The following KIF16B variants were observed in gnomAD, a reference collection of about 807,000 sequenced individuals.
KIF16B encodes the protein kinesin-like protein KIF16B.
A neutral mutation model predicts 156.3 loss-of-function variants in KIF16B; 98 were observed. The observed-to-expected ratio is 0.63, with a 90% CI of 0.53 to 0.74. The LOEUF (loss-of-function observed/expected upper bound fraction) is 0.74. KIF16B is among the 30% of genes least tolerant of loss of function. The probability of loss-of-function intolerance (pLI) is 0.00; values close to 1 mark genes in which losing one functional copy is unlikely to be tolerated. For missense variants in KIF16B, 1,421 were observed against 1,606.5 expected (o/e 0.88, Z 1.97); for synonymous variants, 564 against 583.7 (o/e 0.97, Z 0.49).
At chr20:16,324,056 CA>C (rs2063808636) in intron 24 of KIF16B, among the ~76,000 whole-genome samples, 1 of 151,930 alleles carries the variant, frequency 6.6e-6, no homozygotes. Flanking sequence ...AAAGATACTT[CA>C]GATCTGTGAA....
intron 23 of KIF16B, among the ~76,000 whole-genome samples, chr20:16,338,585 T>A (rs1049033999): frequency 1.3e-4 from 20 of 152,126 alleles, no homozygotes; most frequent in Admixed American, 5.9e-4. Flanking sequence ...CCATGAGAAA[T>A]CCTCATAAGC....
At chr20:16,423,506 C>T (rs529950136) in intron 15 of KIF16B, among the ~76,000 whole-genome samples, 10 of 152,218 alleles carry the variant, frequency 6.6e-5, no homozygotes, top group Admixed American at 5.2e-4. Context: ...TCCCACGATT[C>T]TGGGAGGCAA....
chr20:16,453,835 A>G (rs572720570), intron 12 of KIF16B, among the ~76,000 whole-genome samples: 1 of 152,312 alleles, frequency 6.6e-6, no homozygotes, highest in South Asian at 2.1e-4. Flanking sequence ...GGAAAAGCAA[A>G]ATGGTACAAC....
intron 1 of KIF16B, among the ~76,000 whole-genome samples, chr20:16,561,115 C>A (rs1477524137): frequency 6.6e-6 from 1 of 152,054 alleles, no homozygotes; most frequent in Non-Finnish European, 1.5e-5. Context: ...CATGGTGAAA[C>A]CCCGTCTCTA....
chr20:16,510,523 G>A (rs147904095), intron 6 of KIF16B, among the ~76,000 whole-genome samples: 19 of 152,168 alleles, frequency 1.2e-4, no homozygotes, highest in African/African-American at 3.6e-4. Flanking sequence ...GGTGGCAGGC[G>A]CCTGTAATCC....
chr20:16,317,669 G>A (rs946731367), intron 24 of KIF16B, among the ~76,000 whole-genome samples: 2 of 152,160 alleles, frequency 1.3e-5, no homozygotes, highest in Admixed American at 6.5e-5. Flanking sequence ...TGCTACCACC[G>A]CAAACACTGT....
At chr20:16,367,955 G>A (rs2123268422) in intron 22 of KIF16B, 1 of 1,442,434 alleles carries the variant, frequency 6.9e-7, no homozygotes, top group African/African-American at 1.4e-5. Context: ...GGTAGAGCAT[G>A]AAAAATGCTC....
chr20:16,454,422 G>T, intron 12 of KIF16B, among the ~76,000 whole-genome samples: 1 of 150,212 alleles, frequency 6.7e-6, no homozygotes, highest in East Asian at 1.9e-4. Flanking sequence ...GTTAAGGTGC[G>T]TATATAATAT....
intron 1 of KIF16B, among the ~76,000 whole-genome samples, chr20:16,553,051 C>T (rs1306404493): frequency 6.6e-6 from 1 of 152,160 alleles, no homozygotes; most frequent in Non-Finnish European, 1.5e-5. Flanking sequence ...CAGGCATGAG[C>T]CACCGTACCC....
At chr20:16,288,282 G>A (rs534554622) in intron 25 of KIF16B, among the ~76,000 whole-genome samples, 1 of 152,298 alleles carries the variant, frequency 6.6e-6, no homozygotes, top group South Asian at 2.1e-4. Context: ...CTCCTTGTCT[G>A]ATTATAGTAT....
chr20:16,497,568 T>C (rs746485123), intron 11 of KIF16B, 45 bp downstream of exon 11: 85 of 1,442,624 alleles, frequency 5.9e-5, no homozygotes, highest in East Asian at 2.3e-4. Flanking sequence ...CTTAAAATAA[T>C]AGTAAAAGTT....
intron 12 of KIF16B, among the ~76,000 whole-genome samples, chr20:16,447,779 A>G (rs2066973496): frequency 6.6e-6 from 1 of 152,180 alleles, no homozygotes; most frequent in Non-Finnish European, 1.5e-5. Flanking sequence ...AATATTGGTT[A>G]TATGGGCCAT....
intron 3 of KIF16B, among the ~76,000 whole-genome samples, chr20:16,524,291 T>C (rs1230018754): frequency 2.6e-5 from 4 of 152,096 alleles, no homozygotes; most frequent in African/African-American, 7.2e-5. Context: ...AAAGGGCTAA[T>C]ATCCAGAATC....
At chr20:16,360,723 C>T (rs1018655638) in intron 22 of KIF16B, among the ~76,000 whole-genome samples, 8 of 152,080 alleles carry the variant, frequency 5.3e-5, no homozygotes, top group African/African-American at 7.2e-5. Context: ...TCAACAAATA[C>T]GCTATTTTTC....
intron 1 of KIF16B, among the ~76,000 whole-genome samples, chr20:16,549,272 T>C (rs1302573331): frequency 1.3e-5 from 2 of 149,568 alleles, no homozygotes; most frequent in African/African-American, 2.5e-5. Context: ...TTCCCACCTA[T>C]GAGTGAGAAT....
intron 1 of KIF16B, among the ~76,000 whole-genome samples, chr20:16,544,334 G>C (rs1431813411): frequency 6.6e-6 from 1 of 152,122 alleles, no homozygotes; most frequent in Admixed American, 6.5e-5. Flanking sequence ...CCTCAGCCGG[G>C]CACTGTGGCT....
chr20:16,297,986 C>T (rs76703456), intron 25 of KIF16B, among the ~76,000 whole-genome samples: 12,797 of 152,238 alleles, frequency 0.084, 712 homozygotes, highest in Non-Finnish European at 0.13. Flanking sequence ...TCCTCCACTT[C>T]ACTGCTGACA....
Position 16,564,992 on chromosome 20 carries a change from C to A in KIF16B, c.47+8237G>T, listed in dbSNP as rs553139826. Among the ~76,000 whole-genome samples the A allele has an allele frequency of 6.4e-4, 97 of 152,000 alleles. 1 individual carries two copies. The highest frequency in any genetic ancestry group is 1.9e-3 in the African/African-American group (77 of 41,284). Reference sequence around the variant, plus strand: ...CTCCCTTCCTCTCTCCATGCCCCTTCTCTCTCCAACTTGATCCTCCACTCC... The same window carrying A: ...CTCCCTTCCTCTCTCCATGCCCCTTATCTCTCCAACTTGATCCTCCACTCC... On this transcript the variant is annotated intron_variant, in intron 1 of 25. Coordinates refer to ENST00000354981, the MANE Select transcript of KIF16B (RefSeq NM_024704.5).
At chr20:16,495,099 T>C (rs1005846604) in intron 11 of KIF16B, among the ~76,000 whole-genome samples, 2 of 152,174 alleles carry the variant, frequency 1.3e-5, no homozygotes, top group Non-Finnish European at 2.9e-5. Flanking sequence ...AGAAAAAATA[T>C]GAATGAAAAA....
Sources: gnomAD v4.1 joint callset for allele counts (sites outside exome capture counted in the v4.1 genomes callset) on GRCh38, gnomAD v4.1.1 for gene constraint, MANE v1.5 for transcripts, NCBI Gene and HGNC (gene_info 2026-07-23, HGNC 2026-07-21) for gene names.